The following DLC1 variants were observed in gnomAD, a reference collection of about 807,000 sequenced individuals.
DLC1 encodes rho GTPase-activating protein 7.
A neutral mutation model predicts 140.3 loss-of-function variants in DLC1; 54 were observed. The observed-to-expected ratio is 0.38, with a 90% CI of 0.31 to 0.48. The LOEUF is 0.48. Ranked by LOEUF, DLC1 falls within the 20% of genes least tolerant of loss-of-function variation. DLC1 has a pLI of 0.96. For missense variants in DLC1, 2,536 were observed against 1,907.0 expected (o/e 1.33, Z -6.14); for synonymous variants, 986 against 728.1 (o/e 1.35, Z -5.70).
intron 2 of DLC1, among the ~76,000 whole-genome samples, chr8:13,489,634 A>G (rs1801146034): frequency 1.3e-5 from 2 of 152,072 alleles, no homozygotes; most frequent in South Asian, 2.1e-4. Context: ...AAGATTAGAA[A>G]GATACGTGTG....
intron 5 of DLC1, among the ~76,000 whole-genome samples, chr8:13,209,168 A>T (rs1563166156): frequency 2.0e-5 from 3 of 152,304 alleles, no homozygotes; most frequent in East Asian, 3.9e-4. Context: ...GGAACTGCTA[A>T]TAATTCCTGT....
chr8:13,501,084 T>C (rs1242799560), intron 1 of DLC1, among the ~76,000 whole-genome samples: 1 of 152,170 alleles, frequency 6.6e-6, no homozygotes, highest in Non-Finnish European at 1.5e-5. Context: ...CTCTAAATAT[T>C]TTATGCAAGA....
intron 5 of DLC1, among the ~76,000 whole-genome samples, chr8:13,233,356 G>T (rs1431975652): frequency 7.5e-6 from 1 of 132,722 alleles, no homozygotes; most frequent in Non-Finnish European, 1.6e-5. Flanking sequence ...TGTGACTATT[G>T]CAAAATAGAT....
intron 1 of DLC1, among the ~76,000 whole-genome samples, chr8:13,582,105 G>T (rs1245456636): frequency 6.6e-6 from 1 of 152,056 alleles, no homozygotes; most frequent in East Asian, 1.9e-4. Flanking sequence ...TCTCTTAAAT[G>T]CATTTTTTTC....
At chr8:13,430,497 C>T (rs1475915175) in intron 2 of DLC1, among the ~76,000 whole-genome samples, 1 of 152,080 alleles carries the variant, frequency 6.6e-6, no homozygotes, top group Non-Finnish European at 1.5e-5. Flanking sequence ...GAAGCTATTG[C>T]CCTCATTTTC....
chr8:13,127,900 C>G (rs1821720426), intron 5 of DLC1, among the ~76,000 whole-genome samples: 1 of 152,246 alleles, frequency 6.6e-6, no homozygotes, highest in Admixed American at 6.5e-5. Flanking sequence ...TCTGAGGACT[C>G]AGCTTCACTG....
chr8:13,553,192 C>T (rs1162933242), intron 1 of DLC1, among the ~76,000 whole-genome samples: 1 of 122,218 alleles, frequency 8.2e-6, no homozygotes, highest in Non-Finnish European at 1.6e-5. Flanking sequence ...TGACAAATAC[C>T]TGCCAGCTGT....
intron 4 of DLC1, among the ~76,000 whole-genome samples, chr8:13,307,081 C>CAAAAAAAAAAAAA (rs34372620): frequency 7.1e-5 from 5 of 70,148 alleles, no homozygotes; most frequent in African/African-American, 3.1e-4. Context: ...GAGACTCTGT[C>CAAAAAAAAAAAAA]AAAAAAAAAA....
Position 13,471,529 on chromosome 8 carries a change from G to C in DLC1, c.1023+27520C>G, listed in dbSNP as rs374205523. Among the ~76,000 whole-genome samples, 603 of 149,536 alleles carry C rather than the reference G, an allele frequency of 4.0e-3. 8 individuals carry two copies. The highest frequency in any genetic ancestry group is 0.014 in the African/African-American group (584 of 40,582). The stretch of plus-strand genomic sequence containing the variant: ...AGGAGGGAGGGAAAGGAGGGAGGGA[G>C]GGAGGGAAGGAGGGAGGGAAAAATA... On this transcript the variant is annotated intron_variant, in intron 2 of 17. Coordinates refer to ENST00000276297, the MANE Select transcript of DLC1 (RefSeq NM_182643.3).
intron 4 of DLC1, among the ~76,000 whole-genome samples, chr8:13,323,373 G>C (rs960823905): frequency 6.6e-6 from 1 of 152,146 alleles, no homozygotes; most frequent in African/African-American, 2.4e-5. Context: ...AGATGGTTTT[G>C]TGTTCAAAGA....
Position 13,499,597 on chromosome 8 carries a change from C to T in DLC1, c.475G>A (p.Val159Ile), listed in dbSNP as rs1201719608. The T allele has an allele frequency of 2.9e-5, 47 of 1,614,136 alleles. No individual in the cohort carries two copies. Among genetic ancestry groups the T allele is most frequent in the Non-Finnish European group, 4.0e-5 (47 of 1,180,004 alleles). Residue 159 changes from valine (V) to isoleucine (I), a missense_variant, in exon 2 of 18, where the codon GTT (valine) becomes ATT (isoleucine). Coordinates refer to ENST00000276297, the MANE Select transcript of DLC1 (RefSeq NM_182643.3). Reference protein sequence around the residue: ...KALPIIQSNQVSSNSWGIAGE... With the variant: ...KALPIIQSNQISSNSWGIAGE... ...GCTATTCCCCAGGAGTTAGAAGAAACTTGGTTACTTTGTATGATGGGCAGT... is the reference window on the plus strand; with the variant it reads ...GCTATTCCCCAGGAGTTAGAAGAAATTTGGTTACTTTGTATGATGGGCAGT...
intron 5 of DLC1, among the ~76,000 whole-genome samples, chr8:13,199,055 G>A (rs1036788263): frequency 2.6e-5 from 4 of 151,864 alleles, no homozygotes; most frequent in Non-Finnish European, 5.9e-5. Flanking sequence ...ACAAACATTT[G>A]CATGTAATAG....
At chr8:13,187,217 T>C (rs1246101178) in intron 5 of DLC1, among the ~76,000 whole-genome samples, 2 of 152,214 alleles carry the variant, frequency 1.3e-5, no homozygotes, top group East Asian at 3.9e-4. Flanking sequence ...TAATTTATTT[T>C]TTCTCTGTTG....
intron 16 of DLC1, 64 bp from the exon 17 acceptor site, chr8:13,086,527 C>T: frequency 1.3e-6 from 2 of 1,563,578 alleles, no homozygotes; most frequent in Non-Finnish European, 1.7e-6. Context: ...TAAAATCGTG[C>T]TTCACTCTTC....
chr8:13,180,182 T>C (rs1825958683), intron 5 of DLC1, among the ~76,000 whole-genome samples: 1 of 152,222 alleles, frequency 6.6e-6, no homozygotes, highest in South Asian at 2.1e-4. Context: ...CTGTCTTTAG[T>C]GCAGTCAAAC....
chr8:13,222,160 G>T (rs1470641449), intron 5 of DLC1, among the ~76,000 whole-genome samples: 1 of 151,602 alleles, frequency 6.6e-6, no homozygotes, highest in East Asian at 1.9e-4. Context: ...ATTACAGAGA[G>T]GTATTTCACA....
At chr8:13,469,986 T>C (rs6999021) in intron 2 of DLC1, among the ~76,000 whole-genome samples, 47,914 of 152,028 alleles carry the variant, frequency 0.32, 7,992 homozygotes, top group Middle Eastern at 0.43. Context: ...AAAGTGGCAT[T>C]TGGATTTCCC....
intron 2 of DLC1, among the ~76,000 whole-genome samples, chr8:13,474,762 C>T (rs542436949): frequency 3.3e-5 from 5 of 152,302 alleles, no homozygotes; most frequent in Admixed American, 2.0e-4. Context: ...CATTGGATTT[C>T]GGACTTGCAA....
At chr8:13,449,096 G>C (rs890450791) in intron 2 of DLC1, among the ~76,000 whole-genome samples, 4 of 152,252 alleles carry the variant, frequency 2.6e-5, no homozygotes, top group African/African-American at 7.2e-5. Flanking sequence ...TCATTCCAGA[G>C]GTTAACCTTA....
Sources: allele counts gnomAD v4.1 joint callset (sites outside exome capture counted in the v4.1 genomes callset), GRCh38; gene constraint gnomAD v4.1.1; transcripts MANE v1.5; gene names NCBI Gene and HGNC (gene_info 2026-07-23, HGNC 2026-07-21).